Variants in VPS13B observed in about 807,000 individuals in gnomAD.
The protein encoded by VPS13B is vacuolar protein sorting 13 homolog B.
A neutral mutation model predicts 426.4 loss-of-function variants in VPS13B; 285 were observed. The observed-to-expected ratio is 0.67, with a 90% CI of 0.61 to 0.74. The LOEUF is 0.74. Ranked by LOEUF, VPS13B falls within the 30% of genes least tolerant of loss-of-function variation. The probability of loss-of-function intolerance (pLI) is 0.00; values close to 1 mark genes in which losing one functional copy is unlikely to be tolerated. For synonymous variants in VPS13B, 1,676 were observed against 1,676.4 expected, an observed-to-expected ratio of 1.00 and a Z score of 0.01; for missense variants, 4,537 against 4,782.6, an observed-to-expected ratio of 0.95 and a Z score of 1.51.
intron 33 of VPS13B, among the ~76,000 whole-genome samples, chr8:99,640,054 A>G (rs978831418): frequency 0.16 from 8,453 of 52,000 alleles, 492 homozygotes; most frequent in African/African-American, 0.28. Flanking sequence ...AAGAAGAGAA[A>G]AGAAAAGAAA....
Position 99,478,117 on chromosome 8 carries a change from A to C in VPS13B, c.3667-3482A>C, listed in dbSNP as rs577053610. 5.3e-5 allele frequency among the ~76,000 whole-genome samples: 8 copies of C among 151,422 alleles called. No homozygotes were observed. The East Asian group carries it at 1.4e-3, about 26-fold the overall frequency. On this transcript the variant is annotated intron_variant, in intron 24 of 61. Coordinates refer to ENST00000357162, the MANE Select transcript of VPS13B (RefSeq NM_152564.5). Reference sequence around the variant, plus strand: ...AAAAAAAGAAAAAAGAAGCCCATAGAATCTTTTTTTTTTTTAATGTGATGA... The same window carrying C: ...AAAAAAAGAAAAAAGAAGCCCATAGCATCTTTTTTTTTTTTAATGTGATGA...
chr8:99,865,536 G>A (rs1207263004), intron 58 of VPS13B, among the ~76,000 whole-genome samples: 1 of 152,238 alleles, frequency 6.6e-6, no homozygotes, highest in African/African-American at 2.4e-5. Flanking sequence ...TGACTCAAGA[G>A]TTGCACATCC....
At chr8:99,661,922 G>GTTTGA (rs1239871088) in intron 35 of VPS13B, among the ~76,000 whole-genome samples, 2 of 152,134 alleles carry the variant, frequency 1.3e-5, no homozygotes, top group Non-Finnish European at 2.9e-5. Flanking sequence ...AGATTTGATA[G>GTTTGA]TTAAATGTAC....
intron 28 of VPS13B, 93 bp from the exon 29 acceptor site, chr8:99,511,010 TA>T: frequency 7.1e-7 from 1 of 1,404,688 alleles, no homozygotes; most frequent in Non-Finnish European, 9.9e-7. Flanking sequence ...GACCAAGAGG[TA>T]AAAATACTCA....
At chr8:99,103,791 G>A (rs1034079286) in intron 5 of VPS13B, among the ~76,000 whole-genome samples, 2 of 151,890 alleles carry the variant, frequency 1.3e-5, no homozygotes, top group Non-Finnish European at 2.9e-5. Context: ...GAGCCACTGC[G>A]CCTGGCCAAA....
At position 99,496,649 on chromosome 8, in the gene VPS13B, T is replaced by C. The variant is rs1221496750; in HGVS notation, c.3871-5038T>C. On this transcript the variant is annotated intron_variant, in intron 25 of 61. Transcript: ENST00000357162. ...CTGGGCGACACAGCAAGACTCCATC[T>C]CAGGAAAAAAAAAAGCACTAACATT... Among the ~76,000 whole-genome samples, 5 of 151,396 alleles carry C rather than the reference T, an allele frequency of 3.3e-5. No homozygotes were observed. In the Middle Eastern group the frequency reaches 0.014, roughly 412 times the overall value.
chr8:99,066,713 G>A (rs1844538762), intron 3 of VPS13B, among the ~76,000 whole-genome samples: 1 of 152,106 alleles, frequency 6.6e-6, no homozygotes, highest in Non-Finnish European at 1.5e-5. Context: ...GAGTGAACAG[G>A]CAACCTACAG....
intron 17 of VPS13B, chr8:99,209,910 T>A (rs1366830216): frequency 8.4e-6 from 2 of 236,948 alleles, no homozygotes; most frequent in Non-Finnish European, 6.8e-6. Context: ...GTACTCAAAA[T>A]TTTTTTTTTA....
At chr8:99,309,585 C>T (rs911119125) in intron 19 of VPS13B, among the ~76,000 whole-genome samples, 1 of 152,080 alleles carries the variant, frequency 6.6e-6, no homozygotes, top group Admixed American at 6.6e-5. Flanking sequence ...GTTACTATAG[C>T]CTTCTAGTAT....
At chr8:99,537,926 A>G (rs905373844) in intron 30 of VPS13B, among the ~76,000 whole-genome samples, 1 of 152,168 alleles carries the variant, frequency 6.6e-6, no homozygotes, top group African/African-American at 2.4e-5. Flanking sequence ...TTAAACAACT[A>G]TGTCTCATTT....
intron 42 of VPS13B, 66 bp downstream of exon 42, chr8:99,779,097 A>G: frequency 1.4e-6 from 2 of 1,383,478 alleles, no homozygotes; most frequent in Middle Eastern, 1.8e-4. Flanking sequence ...TCTGTATGCT[A>G]TCACTTCTGA....
chr8:99,397,275 A>G (rs1412385799), intron 21 of VPS13B, among the ~76,000 whole-genome samples: 1 of 152,108 alleles, frequency 6.6e-6, no homozygotes, highest in Non-Finnish European at 1.5e-5. Flanking sequence ...CCTCTTGAGT[A>G]GCTGGGACTA....
At chr8:99,079,561 C>G (rs1016772919) in intron 3 of VPS13B, among the ~76,000 whole-genome samples, 3 of 152,108 alleles carry the variant, frequency 2.0e-5, no homozygotes, top group African/African-American at 4.8e-5. Flanking sequence ...AATGATCCTA[C>G]TATGAATTTT....
intron 3 of VPS13B, among the ~76,000 whole-genome samples, chr8:99,042,406 C>A (rs1288750848): frequency 2.6e-5 from 4 of 151,914 alleles, no homozygotes; most frequent in Non-Finnish European, 4.4e-5. Flanking sequence ...AATTTTATTT[C>A]TTTACTGTCA....
chr8:99,786,559 T>C (rs1019367219), intron 43 of VPS13B, among the ~76,000 whole-genome samples: 6 of 152,152 alleles, frequency 3.9e-5, no homozygotes, highest in African/African-American at 1.4e-4. Context: ...TTAGTCCAAG[T>C]ATGAACCCTT....
At chr8:99,683,004 C>T (rs907591892) in intron 35 of VPS13B, among the ~76,000 whole-genome samples, 4 of 152,184 alleles carry the variant, frequency 2.6e-5, no homozygotes, top group Non-Finnish European at 5.9e-5. Context: ...TCTAATTTTA[C>T]ATTTTATATT....
At chr8:99,381,132 A>G (rs1024706522) in intron 19 of VPS13B, among the ~76,000 whole-genome samples, 1 of 152,004 alleles carries the variant, frequency 6.6e-6, no homozygotes, top group African/African-American at 2.4e-5. Context: ...TTTAGCTGCC[A>G]CTAATAAGTG....
chr8:99,443,356 T>G (rs1817766301), intron 23 of VPS13B, among the ~76,000 whole-genome samples: 2 of 152,164 alleles, frequency 1.3e-5, no homozygotes, highest in Admixed American at 1.3e-4. Context: ...AATTTCTACA[T>G]ACTGTCACTG....
At chr8:99,651,601 G>A (rs961016486) in intron 34 of VPS13B, among the ~76,000 whole-genome samples, 1 of 152,090 alleles carries the variant, frequency 6.6e-6, no homozygotes, top group African/African-American at 2.4e-5. Flanking sequence ...ATTATTGGCA[G>A]TTCTCATTTA....
Sources: allele counts gnomAD v4.1 joint callset (sites outside exome capture counted in the v4.1 genomes callset), GRCh38; gene constraint gnomAD v4.1.1; transcripts MANE v1.5; gene names NCBI Gene and HGNC (gene_info 2026-07-23, HGNC 2026-07-21).